The following NCLN variants were observed in gnomAD, a reference collection of about 807,000 sequenced individuals.
NCLN encodes the protein nicalin.
NCLN carries 34 observed loss-of-function variants against 69.5 expected under a neutral mutation model. That is an observed-to-expected ratio of 0.49 (90% CI 0.37 to 0.65). The LOEUF (loss-of-function observed/expected upper bound fraction) is 0.65. Among genes scored for constraint, NCLN ranks in the 30% least tolerant of loss-of-function variants. The probability of loss-of-function intolerance (pLI) is 0.00; values close to 1 mark genes in which losing one functional copy is unlikely to be tolerated. For missense variants in NCLN, 710 were observed against 804.8 expected (o/e 0.88, Z 1.42); for synonymous variants, 393 against 358.3 (o/e 1.10, Z -1.09).
chr19:3,194,153 G>A (rs1021554639), intron 3 of NCLN, among the ~76,000 whole-genome samples: 5 of 152,232 alleles, frequency 3.3e-5, no homozygotes, highest in Non-Finnish European at 7.3e-5. Flanking sequence ...GCTGAGGCGG[G>A]TGGGTCCCCT....
At chr19:3,198,344 A>G (rs534058549) in intron 4 of NCLN, among the ~76,000 whole-genome samples, 121 of 151,954 alleles carry the variant, frequency 8.0e-4, no homozygotes, top group African/African-American at 2.8e-3. Context: ...GTCTCTACTA[A>G]AAAGTACAAA....
chr19:3,205,811 A>AT lies in NCLN; in HGVS notation c.1209-128_1209-127insT. ...TAGCCAAGTAGTTAAAGCTAAGCTT[A>AT]ATTTTTTTTTTTTTTTAAAGACAGA... On this transcript the variant is annotated intron_variant, in intron 9 of 14. Transcript: ENST00000246117. The surrounding 1 kb of genome is among the most constrained non-coding windows in gnomAD (Gnocchi z 4.6). The AT allele has an allele frequency of 2.4e-6, 2 of 848,938 alleles. No homozygotes were observed. The highest frequency in any genetic ancestry group is 3.7e-6 in the Non-Finnish European group (2 of 534,128). The allele number at this position is 848,938 out of a possible 1,614,324, so 52.6% of individuals were successfully genotyped here.
In NCLN at chr19:3,207,410, G is replaced by A; in HGVS notation, c.1573G>A (p.Asp525Asn). The A allele has an allele frequency of 6.2e-7, 1 of 1,613,110 alleles. No homozygotes were observed. ...CCACAGAGTCAAGCCGGCCGTCTTT[G>A]ACCTGCTCCTGGCTGTTGGCATTGC... Reference protein sequence around the residue: ...NAYRVKPAVFDLLLAVGIAAY... With the variant: ...NAYRVKPAVFNLLLAVGIAAY... Residue 525 changes from aspartate to asparagine, a missense_variant, in exon 14 of 15, where the codon GAC becomes AAC. By Grantham distance (23) the Asp-to-Asn change is conservative. Transcript: ENST00000246117.
At chr19:3,200,664 C>T (rs1242647889) in intron 5 of NCLN, among the ~76,000 whole-genome samples, 1 of 152,048 alleles carries the variant, frequency 6.6e-6, no homozygotes, top group East Asian at 1.9e-4. Flanking sequence ...TTAGAGCGTA[C>T]GAGTGGGTTT....
chr19:3,207,091 T>C, intron 12 of NCLN, 107 bp from the exon 13 acceptor site: 3 of 1,286,612 alleles, frequency 2.3e-6, no homozygotes. Flanking sequence ...CCCAAAGTGC[T>C]GGGATTGCAG....
rs117922207 is a variant in NCLN at position 3,193,329 on chromosome 19, G to A, written c.421G>A (p.Val141Ile). The A allele has an allele frequency of 1.7e-4, 280 of 1,612,978 alleles. 1 individual carries two copies. In the East Asian group the frequency reaches 4.6e-3, roughly 27 times the overall value. The change falls in exon 3 of 15, where the codon GTC becomes ATC. Residue 141 changes from valine (V) to isoleucine (I), a missense_variant. Transcript: ENST00000246117. ...EPEMLAMETA[V>I]PVYFAVEDEA... is the part of the protein sequence containing the mutation. ...GGAGATGCTGGCCATGGAGACCGCC[G>A]TCCCCGTGTACTTTGCCGTGGAGGA... is the stretch of plus-strand genomic sequence containing the variant.
intron 3 of NCLN, among the ~76,000 whole-genome samples, chr19:3,193,762 C>T (rs1915890855): frequency 6.6e-6 from 1 of 152,202 alleles, no homozygotes; most frequent in African/African-American, 2.4e-5. Flanking sequence ...GTTCAGTTCT[C>T]TACCTGCCAA....
intron 5 of NCLN, 69 bp downstream of exon 5, chr19:3,198,966 G>A (rs1174805872): frequency 4.3e-6 from 5 of 1,170,000 alleles, no homozygotes; most frequent in East Asian, 5.8e-5. Context: ...CAGTGCCGAG[G>A]CAAAGCGCCT....
chr19:3,203,871 G>A, intron 7 of NCLN, 27 bp downstream of exon 7: 1 of 1,603,972 alleles, frequency 6.2e-7, no homozygotes, highest in Non-Finnish European at 8.5e-7. Context: ...GGGGGTGGGG[G>A]TGCCGCGGTG....
chr19:3,198,950 C>G (rs565581152), intron 5 of NCLN, 53 bp downstream of exon 5: 234 of 1,302,836 alleles, frequency 1.8e-4, no homozygotes, highest in East Asian at 3.7e-4. Flanking sequence ...GATTCTGGCT[C>G]CAGTCCAGTG....
intron 1 of NCLN, among the ~76,000 whole-genome samples, chr19:3,190,943 G>A (rs1260667166): frequency 6.6e-6 from 1 of 152,166 alleles, no homozygotes; most frequent in Non-Finnish European, 1.5e-5. Flanking sequence ...AACGTGGGTG[G>A]CCCTTTTAGA....
At chr19:3,190,016 C>T (rs565566571) in intron 1 of NCLN, among the ~76,000 whole-genome samples, 15 of 152,350 alleles carry the variant, frequency 9.8e-5, no homozygotes, top group African/African-American at 3.1e-4. Flanking sequence ...CTCCCTATCC[C>T]GCCTGCGGGA....
Position 3,205,704 on chromosome 19 carries a change from G to A in NCLN, c.1209-235G>A, listed in dbSNP as rs377606599. On this transcript the variant is annotated intron_variant, in intron 9 of 14. Transcript: ENST00000246117. This position sits in a 1 kb window ranked among gnomAD's most constrained non-coding sequence, Gnocchi z 4.6. ...TCAGAAGGAACCAAGGCCTCAGGGC[G>A]TGAGCCTTACCTGCGCACAGGGACG... The A allele has an allele frequency of 5.6e-6, 3 of 536,902 alleles. No individual in the cohort carries two copies. The highest frequency in any genetic ancestry group is 9.9e-6 in the Non-Finnish European group (3 of 303,110). The allele number at this position is 536,902 out of a possible 1,614,324, so 33.3% of individuals were successfully genotyped here. A position where few individuals can be genotyped will look rare whatever the true frequency, so the allele number is the denominator to read the frequency against.
Position 3,206,359 on chromosome 19 carries a change from C to A in NCLN, c.1433C>A (p.Thr478Lys). ...GACAAGGACAGCACCTTCCTCAGCA[C>A]GCTGGAGCACCACCTGAGCCGCTAC... ...LVDKDSTFLSTLEHHLSRYLK... is the reference protein window; with the variant it reads ...LVDKDSTFLSKLEHHLSRYLK... The change falls in exon 12 of 15, where the codon ACG (threonine) becomes AAG (lysine). Residue 478 changes from threonine (T) to lysine (K), a missense_variant. Coordinates refer to ENST00000246117, the MANE Select transcript of NCLN (RefSeq NM_020170.4). 1 of 1,548,292 alleles carries A rather than the reference C, an allele frequency of 6.5e-7. No individual in the cohort carries two copies. Among genetic ancestry groups the A allele is most frequent in the Non-Finnish European group, 8.7e-7 (1 of 1,146,944 alleles).
At position 3,192,356 on chromosome 19, in the gene NCLN, G is replaced by C. The variant is rs940837809; in HGVS notation, c.185-114G>C. 1.6e-4 allele frequency: 138 copies of C among 837,480 alleles called. No individual in the cohort carries two copies. In the South Asian group the frequency reaches 2.7e-3, roughly 16 times the overall value. The allele number at this position is 837,480 out of a possible 1,614,324, so 51.9% of individuals were successfully genotyped here. ...GCTTCTCGAATCGGTGGTCTTCCAG[G>C]TTGTGGGCTGGGGCTGGGGCTGGGG... is the stretch of plus-strand genomic sequence containing the variant. On this transcript the variant is annotated intron_variant, in intron 1 of 14. Transcript: ENST00000246117.
intron 7 of NCLN, 44 bp from the exon 8 acceptor site, chr19:3,203,961 C>G (rs903041661): frequency 3.9e-6 from 6 of 1,542,752 alleles, no homozygotes; most frequent in Admixed American, 4.0e-5. Context: ...CCGGGGGCCA[C>G]TTCCTGGTCC....
rs530167097 is a variant in NCLN, at chr19:3,194,141, A to G, written c.520+713A>G. On this transcript the variant is annotated intron_variant, in intron 3 of 14. Coordinates refer to ENST00000246117, the MANE Select transcript of NCLN (RefSeq NM_020170.4). Reference sequence around the variant, plus strand: ...CTGTGGTTTCAAGCTATAGTAAAGGAGGCTGAGGCGGGTGGGTCCCCTGAG... The same window carrying G: ...CTGTGGTTTCAAGCTATAGTAAAGGGGGCTGAGGCGGGTGGGTCCCCTGAG... 3.7e-4 allele frequency among the ~76,000 whole-genome samples: 56 copies of G among 152,308 alleles called. 1 individual carries two copies. The South Asian group carries it at 0.012, about 32-fold the overall frequency.
At chr19:3,188,638 TCCCCTGTACCCTCCTC>T (rs563692372) in intron 1 of NCLN, among the ~76,000 whole-genome samples, 1 of 152,288 alleles carries the variant, frequency 6.6e-6, no homozygotes, top group East Asian at 1.9e-4. Context: ...ACTGGCCTCC[TCCCCTGTACCCTCCTC>T]CCTGGACCCC....
At chr19:3,188,376 G>A (rs1014974787) in intron 1 of NCLN, among the ~76,000 whole-genome samples, 4 of 152,158 alleles carry the variant, frequency 2.6e-5, no homozygotes, top group Non-Finnish European at 4.4e-5. Context: ...GTTGTCTATC[G>A]AGTGAGCAGA....
Sources: gnomAD v4.1 joint callset for allele counts (sites outside exome capture counted in the v4.1 genomes callset) on GRCh38, gnomAD v4.1.1 for gene constraint, Gnocchi (gnomAD v3.1) non-coding constraint, MANE v1.5 for transcripts, NCBI Gene and HGNC (gene_info 2026-07-23, HGNC 2026-07-21) for gene names.